The following BDP1 variants were observed in gnomAD, a reference collection of about 807,000 sequenced individuals.
BDP1 encodes transcription factor TFIIIB component B'' homolog.
In BDP1, 169 loss-of-function variants were observed where a neutral mutation model predicts 266.6. That is an observed-to-expected ratio of 0.63 (90% CI 0.56 to 0.72). BDP1 has a LOEUF of 0.72. Among genes scored for constraint, BDP1 ranks in the 30% least tolerant of loss-of-function variants. The pLI, the probability that BDP1 is intolerant of heterozygous loss-of-function variation, is 0.00. For synonymous variants in BDP1, 1,090 were observed against 1,022.4 expected (o/e 1.07, Z -1.26); for missense variants, 3,015 against 3,053.8 (o/e 0.99, Z 0.30).
chr5:71,482,644 A>C (rs1763029831), intron 7 of BDP1, among the ~76,000 whole-genome samples: 1 of 152,192 alleles, frequency 6.6e-6, no homozygotes, highest in African/African-American at 2.4e-5. Flanking sequence ...TTATATTACC[A>C]ATTAAGTAAA....
the BDP1 span, among the ~76,000 whole-genome samples, chr5:71,577,346 A>G: frequency 6.6e-6 from 1 of 152,226 alleles, no homozygotes; most frequent in Non-Finnish European, 1.5e-5. Flanking sequence ...GCATAGTTCT[A>G]TTCAAACAGC....
chr5:71,508,669 G>A (rs1043043580), intron 16 of BDP1, among the ~76,000 whole-genome samples: 11 of 152,172 alleles, frequency 7.2e-5, no homozygotes, highest in Non-Finnish European at 1.5e-4. Context: ...TGTTTCATTT[G>A]ATCTAGCTTT....
At chr5:71,462,859 G>A (rs142359772) in intron 3 of BDP1, among the ~76,000 whole-genome samples, 2,305 of 152,128 alleles carry the variant, frequency 0.015, 36 homozygotes, top group Non-Finnish European at 0.023. Context: ...TTGGCCAGGC[G>A]AGGTGGCTCA....
At chr5:71,568,582 G>C (rs1744159233), downstream of BDP1, among the ~76,000 whole-genome samples, 1 of 152,102 alleles carries the variant, frequency 6.6e-6, no homozygotes, top group Non-Finnish European at 1.5e-5. Context: ...AATCCTCCCA[G>C]GTAGGTGAGC....
At chr5:71,530,877 A>G (rs992560899) in intron 25 of BDP1, among the ~76,000 whole-genome samples, 16 of 152,132 alleles carry the variant, frequency 1.1e-4, no homozygotes, top group African/African-American at 3.9e-4. Flanking sequence ...CAGGAGTTCG[A>G]GACCAGACTA....
At chr5:71,470,292 T>A (rs1397338376) in intron 6 of BDP1, 103 bp from the exon 7 acceptor site, 1 of 820,306 alleles carries the variant, frequency 1.2e-6, no homozygotes, top group Non-Finnish European at 2.0e-6. Flanking sequence ...TGCATGGGGA[T>A]CTTTCTAGTA....
At chr5:71,470,859 A>G (rs1232695733) in intron 7 of BDP1, among the ~76,000 whole-genome samples, 1 of 150,530 alleles carries the variant, frequency 6.6e-6, no homozygotes, top group Non-Finnish European at 1.5e-5. Context: ...CCAAAGTGTT[A>G]GAATTACAGG....
intron 35 of BDP1, 27 bp from the exon 36 acceptor site, chr5:71,556,859 A>G: frequency 8.4e-7 from 1 of 1,183,446 alleles, no homozygotes; most frequent in African/African-American, 1.6e-5. Context: ...AAATTTCTAA[A>G]TTTTTTTTTA....
intron 14 of BDP1, 53 bp from the exon 15 acceptor site, chr5:71,502,546 A>G: frequency 7.1e-7 from 1 of 1,415,080 alleles, no homozygotes; most frequent in Non-Finnish European, 9.6e-7. Context: ...GCCAGGGAGA[A>G]GGAAATTGGT....
At chr5:71,476,828 C>T (rs1028715223) in intron 7 of BDP1, among the ~76,000 whole-genome samples, 1 of 151,808 alleles carries the variant, frequency 6.6e-6, no homozygotes, top group Non-Finnish European at 1.5e-5. Context: ...CTCAGCCTTC[C>T]GAGTAGCTGG....
At position 71,552,603 on chromosome 5, in the gene BDP1, C is replaced by T. The variant is rs36092; in HGVS notation, c.6996-513C>T. On this transcript the variant is annotated intron_variant, in intron 34 of 38. Coordinates refer to ENST00000358731, the MANE Select transcript of BDP1 (RefSeq NM_018429.3). ...GAGGCCGAGGCCGGCGGATCACTCG[C>T]GGTTAGGAGCTGGAGACCAGCCCCG... 6.0e-4 allele frequency among the ~76,000 whole-genome samples: 91 copies of T among 152,362 alleles called. No individual in the cohort carries two copies. In the East Asian group the frequency reaches 0.017, roughly 28 times the overall value.
At chr5:71,477,773 T>A (rs1762683132) in intron 7 of BDP1, among the ~76,000 whole-genome samples, 1 of 151,898 alleles carries the variant, frequency 6.6e-6, no homozygotes, top group African/African-American at 2.4e-5. Flanking sequence ...CATGTGTCAC[T>A]ATGCCCACCT....
chr5:71,494,570 A>G (rs1456460180), intron 11 of BDP1: 1 of 152,248 alleles, frequency 6.6e-6, no homozygotes, highest in East Asian at 1.9e-4. Flanking sequence ...TTGGAGCTGT[A>G]TCTTTGCTTT....
intron 7 of BDP1, among the ~76,000 whole-genome samples, chr5:71,477,058 C>A (rs1034822938): frequency 9.9e-5 from 15 of 151,548 alleles, no homozygotes; most frequent in African/African-American, 3.6e-4. Context: ...GTTGGCCAGG[C>A]TCGTCTCAAA....
At chr5:71,495,968 C>T (rs980357699) in intron 12 of BDP1, among the ~76,000 whole-genome samples, 1 of 152,030 alleles carries the variant, frequency 6.6e-6, no homozygotes, top group Non-Finnish European at 1.5e-5. Context: ...ATGGGCTGGG[C>T]GCAGTGGCTC....
At chr5:71,546,264 CATTA>C (rs1742299822) in intron 32 of BDP1, among the ~76,000 whole-genome samples, 1 of 152,060 alleles carries the variant, frequency 6.6e-6, no homozygotes, top group South Asian at 2.1e-4. Context: ...CACTTTGATT[CATTA>C]ATTGTCAATA....
chr5:71,518,062 G>A (rs546717369), intron 22 of BDP1, among the ~76,000 whole-genome samples: 1 of 152,316 alleles, frequency 6.6e-6, no homozygotes, highest in African/African-American at 2.4e-5. Flanking sequence ...AGATGAGCTA[G>A]TAGGGTGAAG....
chr5:71,479,316 C>T (rs1003931100), intron 7 of BDP1, among the ~76,000 whole-genome samples: 1 of 151,966 alleles, frequency 6.6e-6, no homozygotes, highest in African/African-American at 2.4e-5. Context: ...GCTGGGATTA[C>T]AGGTGTGAGC....
rs1765199123 is a variant in BDP1, at chr5:71,516,067, T to C, written c.4656T>C (p.Asn1552=). 3.7e-6 allele frequency: 6 copies of C among 1,602,602 alleles called. No individual in the cohort carries two copies. The highest frequency in any genetic ancestry group is 5.1e-6 in the Non-Finnish European group (6 of 1,173,876). Residue 1552 remains asparagine, a synonymous_variant, in exon 21 of 39, where the codon AAT becomes AAC. Coordinates refer to ENST00000358731, the MANE Select transcript of BDP1 (RefSeq NM_018429.3). ...KNDSVVSVGT[N]NVNTFQQEMK... ...TCCCTGTCCCCTTGTTTAGGACTAATAATGTAAACACTTTCCAGCAAGAAA... is the reference window on the plus strand; with the variant it reads ...TCCCTGTCCCCTTGTTTAGGACTAACAATGTAAACACTTTCCAGCAAGAAA...
Sources: allele counts gnomAD v4.1 joint callset (sites outside exome capture counted in the v4.1 genomes callset), GRCh38; gene constraint gnomAD v4.1.1; transcripts MANE v1.5; gene names NCBI Gene and HGNC (gene_info 2026-07-23, HGNC 2026-07-21).